The following ESPN variants were observed in gnomAD, a reference collection of about 807,000 sequenced individuals.
ESPN encodes espin, also known as autosomal recessive deafness type 36 protein.
ESPN carries 68 observed loss-of-function variants against 77.7 expected under a neutral mutation model. The observed-to-expected ratio is 0.87, with a 90% confidence interval of 0.72 to 1.07. The LOEUF (loss-of-function observed/expected upper bound fraction) is 1.07, where lower values mean the gene tolerates loss of function less well. ESPN is among the 50% of genes least tolerant of loss of function. The probability of loss-of-function intolerance (pLI) is 0.00; values close to 1 mark genes in which losing one functional copy is unlikely to be tolerated. For missense variants in ESPN, 1,060 were observed against 1,239.0 expected (o/e 0.86, Z 2.17); for synonymous variants, 449 against 567.1 (o/e 0.79, Z 2.96).
chr1:6,455,441 C>T (rs550535553), intron 10 of ESPN: 2 of 395,856 alleles, frequency 5.1e-6, no homozygotes, highest in Non-Finnish European at 8.9e-6. Context: ...CGAGCAACAG[C>T]GAGGCCCACA....
intron 2 of ESPN, among the ~76,000 whole-genome samples, chr1:6,438,886 C>T (rs1347201843): frequency 2.6e-5 from 4 of 152,220 alleles, no homozygotes; most frequent in African/African-American, 4.8e-5. Context: ...CTGAAACAGG[C>T]GGATCACTTG....
chr1:6,456,741 C>T (rs1644064234), intron 10 of ESPN: 2 of 278,622 alleles, frequency 7.2e-6, no homozygotes, highest in Non-Finnish European at 1.4e-5. Context: ...CCCGTATCCA[C>T]TCTATTGGGA....
rs1429846376 is a variant in ESPN, at chr1:6,427,638, G to T, written c.295-588G>T. ...CCTGTGGCTGGGCACTGGCGAGTCT[G>T]CTGGGGGAGGGGCCGGTTTTCTGCA... On this transcript the variant is annotated intron_variant, in intron 1 of 12. Coordinates refer to ENST00000645284, the MANE Select transcript of ESPN (RefSeq NM_031475.3). This position sits in a 1 kb window ranked among gnomAD's most constrained non-coding sequence, Gnocchi z 4.6. 1.3e-5 allele frequency among the ~76,000 whole-genome samples: 2 copies of T among 152,230 alleles called. No individual in the cohort carries two copies. The highest frequency in any genetic ancestry group is 3.8e-4 in the East Asian group (2 of 5,202).
Position 6,426,559 on chromosome 1 carries a change from G to A in ESPN, c.294+1310G>A, listed in dbSNP as rs374763573. ...GCTGCTTTAGGGTGTGGTCCACCAC[G>A]CACGAGGCTCCTGGGGCCTGGACAC... On this transcript the variant is annotated intron_variant, in intron 1 of 12. Coordinates refer to ENST00000645284, the MANE Select transcript of ESPN (RefSeq NM_031475.3). 8.5e-5 allele frequency among the ~76,000 whole-genome samples: 13 copies of A among 152,290 alleles called. No individual in the cohort carries two copies. In the East Asian group the frequency reaches 1.5e-3, roughly 18 times the overall value.
rs757632768 is a variant in ESPN, at chr1:6,445,783, C to G, written c.1312C>G (p.Pro438Ala). ...ACCCCCACCACCCCCACCCAGCTTCCCCCCGCCACCCCCGCCCCCAGGCAC... is the reference window on the plus strand; with the variant it reads ...ACCCCCACCACCCCCACCCAGCTTCGCCCCGCCACCCCCGCCCCCAGGCAC... Reference protein sequence around the residue: ...PTPPPPPPSFPPPPPPPGTQL... With the variant: ...PTPPPPPPSFAPPPPPPGTQL... Residue 438 changes from proline (P) to alanine (A), a missense_variant, in exon 7 of 13, where the codon CCC (proline) becomes GCC (alanine). Physicochemically the swap from Pro to Ala is conservative, Grantham distance 27. Around this residue, in one of 3 missense-constraint regions of ESPN, gnomAD observed 556 missense variants for 633.6 expected, o/e 0.88. Transcript: ENST00000645284. 11 of 705,418 alleles carry G rather than the reference C, an allele frequency of 1.6e-5. No homozygotes were observed. Among genetic ancestry groups the G allele is most frequent in the Middle Eastern group, 5.0e-4 (1 of 1,986 alleles). 43.7% of individuals were successfully genotyped at this position (705,418 alleles called of 1,614,324 possible).
At chr1:6,436,395 T>G (rs1643437524) in intron 2 of ESPN, among the ~76,000 whole-genome samples, 1 of 152,178 alleles carries the variant, frequency 6.6e-6, no homozygotes, top group African/African-American at 2.4e-5. Context: ...GACAGAGTAA[T>G]CATTCAGTAA....
At chr1:6,440,174 G>C (rs1267219503) in intron 2 of ESPN, 80 bp from the exon 3 acceptor site, 14 of 1,445,862 alleles carry the variant, frequency 9.7e-6, no homozygotes, top group Middle Eastern at 2.4e-4. Context: ...AGGGCTCCCC[G>C]GGACGGGATG....
rs1644126135 is a variant in ESPN, at chr1:6,459,869, C to T, written c.2418-130C>T. 3.5e-6 allele frequency: 4 copies of T among 1,139,632 alleles called. No homozygotes were observed. In the South Asian group the frequency reaches 4.1e-5, roughly 12 times the overall value. 70.6% of individuals were successfully genotyped at this position (1,139,632 alleles called of 1,614,324 possible). On this transcript the variant is annotated intron_variant, in intron 12 of 12. Transcript: ENST00000645284. ...CCCCTCTGTCTTCAGCAACCGAGCCCCAGCCCTCAGTAACCCACCCCTTGC... is the reference window on the plus strand; with the variant it reads ...CCCCTCTGTCTTCAGCAACCGAGCCTCAGCCCTCAGTAACCCACCCCTTGC...
chr1:6,434,837 G>A (rs530627348), intron 2 of ESPN, among the ~76,000 whole-genome samples: 1 of 152,264 alleles, frequency 6.6e-6, no homozygotes, highest in Non-Finnish European at 1.5e-5. Context: ...GAAATTGAGG[G>A]GTCAGGGAAG....
At chr1:6,443,068 A>C (rs1191071212) in intron 5 of ESPN, 1 of 150,154 alleles carries the variant, frequency 6.7e-6, no homozygotes, top group Non-Finnish European at 1.5e-5. Context: ...ACTACTTGGG[A>C]GGCTGAGGCA....
rs1169684936 is a variant in ESPN at position 6,445,995 on chromosome 1, G to C, written c.1464+60G>C. On this transcript the variant is annotated intron_variant, in intron 7 of 12. Transcript: ENST00000645284. ...AGGGGGACTGGGCTGATGGGGGCCAGTGAGGCCAAAGGCCTGGCCTCACTA... is the reference window on the plus strand; with the variant it reads ...AGGGGGACTGGGCTGATGGGGGCCACTGAGGCCAAAGGCCTGGCCTCACTA... 15 of 1,575,286 alleles carry C rather than the reference G, an allele frequency of 9.5e-6. No individual in the cohort carries two copies. The Admixed American group carries it at 1.2e-4, about 12-fold the overall frequency.
Position 6,428,029 on chromosome 1 carries a change from C to T in ESPN, c.295-197C>T, listed in dbSNP as rs546251866. 3.3e-5 allele frequency among the ~76,000 whole-genome samples: 5 copies of T among 152,172 alleles called. No homozygotes were observed. The highest frequency in any genetic ancestry group is 7.3e-5 in the Non-Finnish European group (5 of 68,032). On this transcript the variant is annotated intron_variant, in intron 1 of 12. Coordinates refer to ENST00000645284, the MANE Select transcript of ESPN (RefSeq NM_031475.3). The surrounding 1 kb of genome is among the most constrained non-coding windows in gnomAD (Gnocchi z 5.4). Reference sequence around the variant, plus strand: ...GGTTCAGAGAGGGCCAGTTAGTTGCCCAAGGACAGAAGCAGGACTCAAACC... The same window carrying T: ...GGTTCAGAGAGGGCCAGTTAGTTGCTCAAGGACAGAAGCAGGACTCAAACC...
chr1:6,428,193 G>C lies in ESPN; in HGVS notation c.295-33G>C. 1 of 1,612,256 alleles carries C rather than the reference G, an allele frequency of 6.2e-7. No homozygotes were observed. Among genetic ancestry groups the C allele is most frequent in the Admixed American group, 1.7e-5 (1 of 60,012 alleles). ...CAAGCCAGGGGCGGGGCAGCAACAG[G>C]CTTTAGGACTTGAACCAGCTCTCCT... On this transcript the variant is annotated intron_variant, in intron 1 of 12. Coordinates refer to ENST00000645284, the MANE Select transcript of ESPN (RefSeq NM_031475.3). This position sits in a 1 kb window ranked among gnomAD's most constrained non-coding sequence, Gnocchi z 5.4.
In ESPN at chr1:6,448,938, G is replaced by C; in HGVS notation, c.1762G>C (p.Asp588His). The change falls in exon 8 of 13, where the codon GAC (aspartate) becomes CAC (histidine). Residue 588 changes from aspartate (D) to histidine (H), a missense_variant. Transcript: ENST00000645284. The stretch of plus-strand genomic sequence containing the variant: ...CCATGTTCCTAACGGCTGCGCCGCG[G>C]ACCCCAAGGCGTCCAGGGAGCTGCC... ...GNHVPNGCAA[D>H]PKASRELPPP... 7.1e-7 allele frequency: 1 copy of C among 1,399,336 alleles called. No homozygotes were observed. The highest frequency in any genetic ancestry group is 1.5e-5 in the African/African-American group (1 of 66,058). 86.7% of individuals were successfully genotyped at this position (1,399,336 alleles called of 1,614,324 possible). A position where few individuals can be genotyped will look rare whatever the true frequency, so the allele number is the denominator to read the frequency against.
Position 6,427,590 on chromosome 1 carries a change from C to G in ESPN, c.295-636C>G, listed in dbSNP as rs1352220965. 6.6e-6 allele frequency among the ~76,000 whole-genome samples: 1 copy of G among 152,222 alleles called. No individual in the cohort carries two copies. The highest frequency in any genetic ancestry group is 2.1e-4 in the South Asian group (1 of 4,828). ...CAGTACCCAGCAACTTCCACCTCCA[C>G]AGGGGCGAGAACACAGGCTGCTCCT... On this transcript the variant is annotated intron_variant, in intron 1 of 12. Coordinates refer to ENST00000645284, the MANE Select transcript of ESPN (RefSeq NM_031475.3). The surrounding 1 kb of genome is among the most constrained non-coding windows in gnomAD (Gnocchi z 4.6).
In ESPN at chr1:6,428,373, A is replaced by C. The variant is rs754914034; in HGVS notation, c.442A>C (p.Lys148Gln). ...GALPIHYAAA[K>Q]GDFPSLRLLV... Reference sequence around the variant, plus strand: ...CCTGCCTATCCACTACGCTGCCGCCAAAGGAGACTTCCCCTCCCTGAGGCT... The same window carrying C: ...CCTGCCTATCCACTACGCTGCCGCCCAAGGAGACTTCCCCTCCCTGAGGCT... Residue 148 changes from lysine (K) to glutamine (Q), a missense_variant, in exon 2 of 13, where the codon AAA (lysine) becomes CAA (glutamine). Physicochemically the swap from Lys to Gln is moderately conservative, Grantham distance 53. Coordinates refer to ENST00000645284, the MANE Select transcript of ESPN (RefSeq NM_031475.3). This position sits in a 1 kb window ranked among gnomAD's most constrained non-coding sequence, Gnocchi z 5.4. 1 of 1,612,968 alleles carries C rather than the reference A, an allele frequency of 6.2e-7. No homozygotes were observed. The highest frequency in any genetic ancestry group is 8.5e-7 in the Non-Finnish European group (1 of 1,179,704).
rs942179983 is a variant in ESPN at position 6,428,068 on chromosome 1, A to G, written c.295-158A>G. On this transcript the variant is annotated intron_variant, in intron 1 of 12. Transcript: ENST00000645284. This position sits in a 1 kb window ranked among gnomAD's most constrained non-coding sequence, Gnocchi z 5.4. The stretch of plus-strand genomic sequence containing the variant: ...AGGACTCAAACCCAGGATCCGCTTG[A>G]CCCAAAAAAAACATTGCTGAATGAG... 3.3e-5 allele frequency among the ~76,000 whole-genome samples: 5 copies of G among 152,048 alleles called. No homozygotes were observed. Among genetic ancestry groups the G allele is most frequent in the African/African-American group, 1.2e-4 (5 of 41,388 alleles).
chr1:6,428,406 G>GAGC lies in ESPN; in HGVS notation c.477_479dup (p.Glu159_His160insGln), dbSNP rs1557693008. ...CTTCCCCTCCCTGAGGCTTCTCGTC[G>GAGC]AGCACTACCCTGAGTAAGATCACCC... On this transcript the variant is annotated inframe_insertion, in exon 2 of 13. Transcript: ENST00000645284. This position sits in a 1 kb window ranked among gnomAD's most constrained non-coding sequence, Gnocchi z 5.4. The GAGC allele has an allele frequency of 6.2e-7, 1 of 1,611,882 alleles. No homozygotes were observed. The highest frequency in any genetic ancestry group is 8.5e-7 in the Non-Finnish European group (1 of 1,178,988).
intron 12 of ESPN, 150 bp from the exon 13 acceptor site, chr1:6,459,849 C>CT (rs1225778720): frequency 1.1e-6 from 1 of 882,034 alleles, no homozygotes; most frequent in East Asian, 2.7e-5. Context: ...TCTAGCCCCT[C>CT]TGTCTTCAGC....
Sources: allele counts gnomAD v4.1 joint callset (sites outside exome capture counted in the v4.1 genomes callset), GRCh38; gene constraint gnomAD v4.1.1; regional missense constraint gnomAD v4.1.1; non-coding constraint Gnocchi (gnomAD v3.1); transcripts MANE v1.5; gene names NCBI Gene and HGNC (gene_info 2026-07-23, HGNC 2026-07-21).